ZNF626: variants seen among roughly 807,000 people sequenced by gnomAD.
ZNF626 encodes zinc finger protein 626.
A neutral mutation model predicts 11.7 loss-of-function variants in ZNF626; 4 were observed. That is an observed-to-expected ratio of 0.34 (90% confidence interval 0.17 to 0.78). The LOEUF is 0.78. Ranked by LOEUF, ZNF626 falls within the 30% of genes least tolerant of loss-of-function variation. The probability of loss-of-function intolerance (pLI) is 0.57; values close to 1 mark genes in which losing one functional copy is unlikely to be tolerated. For missense variants in ZNF626, 588 were observed against 587.1 expected (o/e 1.00, Z -0.01); for synonymous variants, 179 against 198.6 (o/e 0.90, Z 0.83).
chr19:20,653,771 A>G (rs1016143213), intron 1 of ZNF626, among the ~76,000 whole-genome samples: 9 of 152,164 alleles, frequency 5.9e-5, no homozygotes, highest in Admixed American at 1.3e-4. Flanking sequence ...ATGGGGGTCT[A>G]TATTGAAATA....
At chr19:20,655,555 C>G (rs1555773019) in intron 1 of ZNF626, among the ~76,000 whole-genome samples, 1 of 152,116 alleles carries the variant, frequency 6.6e-6, no homozygotes, top group African/African-American at 2.4e-5. Flanking sequence ...TTTTATTTAG[C>G]TGTTGACATG....
intron 1 of ZNF626, among the ~76,000 whole-genome samples, chr19:20,653,041 G>A (rs958590379): frequency 6.6e-6 from 1 of 152,152 alleles, no homozygotes; most frequent in African/African-American, 2.4e-5. Context: ...CTCTAGAAGT[G>A]ACTGTAGAGG....
chr19:20,644,190 A>C (rs79277677), intron 3 of ZNF626, among the ~76,000 whole-genome samples: 1 of 152,184 alleles, frequency 6.6e-6, no homozygotes, highest in Admixed American at 6.5e-5. Flanking sequence ...GCCACAGTTC[A>C]TGGTCAGTCC....
intron 3 of ZNF626, among the ~76,000 whole-genome samples, chr19:20,637,447 T>G (rs1462659107): frequency 6.7e-6 from 1 of 149,044 alleles, no homozygotes; most frequent in Non-Finnish European, 1.5e-5. Context: ...ATTGTGCCAT[T>G]GCATTCCTGC....
Position 20,624,064 on chromosome 19 carries a change from G to T in ZNF626, c.*226C>A. On this transcript the variant is annotated 3_prime_UTR_variant, in exon 4 of 4. Coordinates refer to ENST00000601440, the MANE Select transcript of ZNF626 (RefSeq NM_001076675.3). ...TATCTTATGTGCAGTAAGGTGTGAG[G>T]ATAGGTGAAAAGCTTTACCACATTA... 1 of 788,922 alleles carries T rather than the reference G, an allele frequency of 1.3e-6. No homozygotes were observed. The highest frequency in any genetic ancestry group is 2.2e-6 in the Non-Finnish European group (1 of 450,020). The allele number at this position is 788,922 out of a possible 1,614,324, so 48.9% of individuals were successfully genotyped here. A position where few individuals can be genotyped will look rare whatever the true frequency, so the allele number is the denominator to read the frequency against.
At chr19:20,626,480 G>A (rs1555769725) in intron 3 of ZNF626, among the ~76,000 whole-genome samples, 1 of 152,132 alleles carries the variant, frequency 6.6e-6, no homozygotes, top group Non-Finnish European at 1.5e-5. Flanking sequence ...ACACACTAGG[G>A]GGCCAAGGTG....
chr19:20,626,088 C>A (rs1183873207), intron 3 of ZNF626, among the ~76,000 whole-genome samples: 1 of 131,178 alleles, frequency 7.6e-6, no homozygotes, highest in African/African-American at 2.7e-5. Flanking sequence ...TGATGAAATT[C>A]AATCTGTACT....
chr19:20,645,507 T>G, intron 3 of ZNF626, 177 bp downstream of exon 3: 1 of 1,574,158 alleles, frequency 6.4e-7, no homozygotes, highest in Non-Finnish European at 8.6e-7. Context: ...GATGCCCCTT[T>G]GTAAGCAAAA....
chr19:20,645,586 C>G lies in ZNF626; in HGVS notation c.226+98G>C, dbSNP rs782078703. 9.9e-5 allele frequency: 153 copies of G among 1,552,090 alleles called. No homozygotes were observed. The Middle Eastern group carries it at 2.1e-3, about 21-fold the overall frequency. On this transcript the variant is annotated intron_variant, in intron 3 of 3. Transcript: ENST00000601440. The stretch of plus-strand genomic sequence containing the variant: ...TGCCCAAGAACTATTTCCTTTGGAA[C>G]ACAGCTCCCCAAATCACACTTTAAG...
chr19:20,643,886 G>T (rs959419), intron 3 of ZNF626, among the ~76,000 whole-genome samples: 77,925 of 152,078 alleles, frequency 0.51, 23,173 homozygotes, highest in African/African-American at 0.82. Context: ...TATTAAAGCT[G>T]AAGTTCGAGA....
intron 3 of ZNF626, among the ~76,000 whole-genome samples, chr19:20,636,396 A>T (rs1245589830): frequency 1.3e-5 from 2 of 152,008 alleles, no homozygotes; most frequent in Non-Finnish European, 2.9e-5. Flanking sequence ...TAAAAAATCA[A>T]CACATAATTA....
intron 1 of ZNF626, among the ~76,000 whole-genome samples, chr19:20,659,910 T>G (rs1970245777): frequency 6.6e-6 from 1 of 151,990 alleles, no homozygotes; most frequent in South Asian, 2.1e-4. Context: ...CTTCCGTGGC[T>G]GGGGTGAGCA....
intron 3 of ZNF626, among the ~76,000 whole-genome samples, chr19:20,641,135 C>CAAAAAAAAAAAAAAAAAA (rs141617081): frequency 8.9e-6 from 1 of 111,878 alleles, no homozygotes; most frequent in Non-Finnish European, 2.0e-5. Flanking sequence ...GACTCCATCT[C>CAAAAAAAAAAAAAAAAAA]AAAAAAAAAA....
At chr19:20,639,090 T>G (rs529504686) in intron 3 of ZNF626, among the ~76,000 whole-genome samples, 3 of 152,156 alleles carry the variant, frequency 2.0e-5, no homozygotes, top group Admixed American at 2.0e-4. Context: ...TAACTGGATG[T>G]ATTATATGGT....
At chr19:20,645,838 T>C (rs1171575469) in intron 2 of ZNF626, 59 bp from the exon 3 acceptor site, 68 of 1,341,768 alleles carry the variant, frequency 5.1e-5, no homozygotes, top group Non-Finnish European at 6.7e-5. Context: ...TACAAGCTAG[T>C]AATGTGCTCA....
intron 3 of ZNF626, among the ~76,000 whole-genome samples, chr19:20,641,511 T>C (rs1356400271): frequency 2.6e-5 from 4 of 151,394 alleles, no homozygotes; most frequent in African/African-American, 9.7e-5. Flanking sequence ...TCATGGGTAT[T>C]GAGTTTTAGT....
At position 20,641,510 on chromosome 19, in the gene ZNF626, T is replaced by C. The variant is rs1239892905; in HGVS notation, c.226+4174A>G. On this transcript the variant is annotated intron_variant, in intron 3 of 3. Coordinates refer to ENST00000601440, the MANE Select transcript of ZNF626 (RefSeq NM_001076675.3). ...ATTAGCAGTTGTTATTTCATGGGTA[T>C]TGAGTTTTAGTTTTGCAAGATGTAA... Among the ~76,000 whole-genome samples, 5 of 151,560 alleles carry C rather than the reference T, an allele frequency of 3.3e-5. No individual in the cohort carries two copies. In the South Asian group the frequency reaches 8.3e-4, roughly 25 times the overall value.
At chr19:20,654,751 A>C (rs1970187084) in intron 1 of ZNF626, among the ~76,000 whole-genome samples, 1 of 152,132 alleles carries the variant, frequency 6.6e-6, no homozygotes, top group East Asian at 1.9e-4. Context: ...TCAAAAGCAT[A>C]AATAACAGTA....
rs1555769549 is a variant in ZNF626 at position 20,625,572 on chromosome 19, C to T, written c.305G>A (p.Arg102Lys). Reference protein sequence around the residue: ...KDSFQKVVLRRYEKCEHDNLQ... With the variant: ...KDSFQKVVLRKYEKCEHDNLQ... ...ATTGTCATGTTCACATTTTTCATAT[C>T]TTCTCAGTACCACTTTTTGGAAAGA... Residue 102 changes from arginine (R) to lysine (K), a missense_variant, in exon 4 of 4, where the codon AGA (arginine) becomes AAA (lysine). Coordinates refer to ENST00000601440, the MANE Select transcript of ZNF626 (RefSeq NM_001076675.3). The T allele has an allele frequency of 6.2e-7, 1 of 1,608,394 alleles. No individual in the cohort carries two copies. Among genetic ancestry groups the T allele is most frequent in the South Asian group, 1.1e-5 (1 of 89,670 alleles).
Sources: gnomAD v4.1 joint callset for allele counts (sites outside exome capture counted in the v4.1 genomes callset) on GRCh38, gnomAD v4.1.1 for gene constraint, MANE v1.5 for transcripts, NCBI Gene and HGNC (gene_info 2026-07-23, HGNC 2026-07-21) for gene names.